PDE4D: variants seen among roughly 807,000 people sequenced by gnomAD.
PDE4D encodes the protein phosphodiesterase 4D, also known as 3',5'-cyclic-AMP phosphodiesterase 4D.
PDE4D carries 24 observed loss-of-function variants against 87.4 expected under a neutral mutation model. The ratio of observed to expected loss-of-function variants is 0.27; its 90% CI spans 0.20 to 0.39. PDE4D has a LOEUF of 0.39. PDE4D is among the 10% of genes least tolerant of loss of function. The probability of loss-of-function intolerance (pLI) is 1.00; values close to 1 mark genes in which losing one functional copy is unlikely to be tolerated. For synonymous variants in PDE4D, 384 were observed against 383.2 expected, an observed-to-expected ratio of 1.00 and a Z score of -0.02; for missense variants, 714 against 1,041.0, an observed-to-expected ratio of 0.69 and a Z score of 4.32.
At chr5:60,103,006 A>T (rs1418868547) in intron 2 of PDE4D, among the ~76,000 whole-genome samples, 1 of 152,048 alleles carries the variant, frequency 6.6e-6, no homozygotes, top group Non-Finnish European at 1.5e-5. Context: ...AACAGAAAAA[A>T]CACCCAGAAA....
chr5:59,588,649 T>A (rs891792652), intron 1 of PDE4D, among the ~76,000 whole-genome samples: 5 of 152,078 alleles, frequency 3.3e-5, no homozygotes, highest in African/African-American at 4.8e-5. Flanking sequence ...CCACCATAAT[T>A]TGGAGAATTT....
intron 1 of PDE4D, among the ~76,000 whole-genome samples, chr5:59,355,404 G>T (rs987857729): frequency 6.6e-6 from 1 of 152,106 alleles, no homozygotes; most frequent in African/African-American, 2.4e-5. Flanking sequence ...TAAGGAGCTT[G>T]TTATCAGATC....
intron 2 of PDE4D, among the ~76,000 whole-genome samples, chr5:60,127,340 TGTGTGGTGAGTGATAA>T (rs1779204875): frequency 6.6e-6 from 1 of 151,876 alleles, no homozygotes. Context: ...AAGGCAAGGG[TGTGTGGTGAGTGATAA>T]GGTTGGACTT....
At chr5:60,105,773 G>A (rs1582678072) in intron 2 of PDE4D, among the ~76,000 whole-genome samples, 1 of 152,292 alleles carries the variant, frequency 6.6e-6, no homozygotes, top group East Asian at 1.9e-4. Context: ...AGCTTCATAA[G>A]TGAAGGAGAA....
chr5:60,107,322 T>C (rs1777089716), intron 2 of PDE4D, among the ~76,000 whole-genome samples: 1 of 152,006 alleles, frequency 6.6e-6, no homozygotes, highest in African/African-American at 2.4e-5. Context: ...AAGTTGAATC[T>C]CTGAATAGAC....
At chr5:59,186,542 T>C (rs1468136111) in intron 3 of PDE4D, among the ~76,000 whole-genome samples, 2 of 152,316 alleles carry the variant, frequency 1.3e-5, no homozygotes, top group African/African-American at 2.4e-5. Context: ...TTTTCAGAAA[T>C]GTTTCATCTG....
intron 1 of PDE4D, among the ~76,000 whole-genome samples, chr5:59,649,255 C>G (rs1219373998): frequency 6.6e-6 from 1 of 152,186 alleles, no homozygotes; most frequent in Non-Finnish European, 1.5e-5. Context: ...AGCCAAATTA[C>G]TTTCTTCTCT....
chr5:59,383,055 C>T (rs191910099), intron 1 of PDE4D, among the ~76,000 whole-genome samples: 1 of 152,222 alleles, frequency 6.6e-6, no homozygotes, highest in Admixed American at 6.5e-5. Context: ...AGAAAAGTAA[C>T]AAGTTTTACA....
intron 1 of PDE4D, among the ~76,000 whole-genome samples, chr5:59,634,738 T>C (rs1832016203): frequency 6.6e-6 from 1 of 152,162 alleles, no homozygotes; most frequent in African/African-American, 2.4e-5. Flanking sequence ...GCTAAAGCAG[T>C]GTTTAGAGGG....
At chr5:59,791,100 A>T (rs563943812) in intron 1 of PDE4D, among the ~76,000 whole-genome samples, 2 of 152,294 alleles carry the variant, frequency 1.3e-5, no homozygotes, top group Non-Finnish European at 2.9e-5. Flanking sequence ...ATCACAGAAA[A>T]ATCTGCCATG....
chr5:59,913,863 GT>G (rs920401940), intron 3 of PDE4D, among the ~76,000 whole-genome samples: 3 of 151,882 alleles, frequency 2.0e-5, no homozygotes, highest in African/African-American at 7.3e-5. Context: ...TAAAATCAGG[GT>G]TTTTTTGGCA....
chr5:59,907,553 C>A (rs768333415), intron 3 of PDE4D, among the ~76,000 whole-genome samples: 1 of 152,000 alleles, frequency 6.6e-6, no homozygotes, highest in Non-Finnish European at 1.5e-5. Flanking sequence ...ACTAGCTTAC[C>A]TATATAACAA....
intron 1 of PDE4D, 114 bp downstream of exon 1, chr5:59,893,054 T>C (rs1409443627): frequency 1.8e-6 from 2 of 1,088,610 alleles, no homozygotes; most frequent in African/African-American, 1.6e-5. Context: ...ATTTCCAGAC[T>C]AGCATTTTAC....
chr5:60,208,547 T>G (rs1260169354), intron 1 of PDE4D, among the ~76,000 whole-genome samples: 1 of 152,030 alleles, frequency 6.6e-6, no homozygotes, highest in Non-Finnish European at 1.5e-5. Context: ...GGCTCCCCCT[T>G]AGAGGTGTCA....
At chr5:59,265,229 C>A (rs1340516399) in intron 1 of PDE4D, among the ~76,000 whole-genome samples, 1 of 151,906 alleles carries the variant, frequency 6.6e-6, no homozygotes, top group South Asian at 2.1e-4. Flanking sequence ...TCAGATGAAA[C>A]CCCTGCCTAG....
chr5:59,526,800 A>G (rs757264113), intron 1 of PDE4D, among the ~76,000 whole-genome samples: 2 of 151,562 alleles, frequency 1.3e-5, no homozygotes, highest in Non-Finnish European at 2.9e-5. Context: ...TTTTTTTTGT[A>G]TTTTTTGTAC....
chr5:58,997,377 A>T (rs1749467685), intron 6 of PDE4D, among the ~76,000 whole-genome samples: 1 of 152,114 alleles, frequency 6.6e-6, no homozygotes, highest in African/African-American at 2.4e-5. Flanking sequence ...CTCATCTAAA[A>T]ATAATTATAT....
At chr5:60,361,325 T>A (rs1760045316) in intron 1 of PDE4D, among the ~76,000 whole-genome samples, 1 of 152,202 alleles carries the variant, frequency 6.6e-6, no homozygotes, top group Non-Finnish European at 1.5e-5. Context: ...AATAATTGAT[T>A]AGTAAATCAA....
At chr5:59,280,762 G>T (rs1765654772) in intron 1 of PDE4D, among the ~76,000 whole-genome samples, 1 of 152,080 alleles carries the variant, frequency 6.6e-6, no homozygotes, top group African/African-American at 2.4e-5. Context: ...AAGTGCATGG[G>T]TGAGGCTTGT....
Sources: allele counts gnomAD v4.1 joint callset (sites outside exome capture counted in the v4.1 genomes callset), GRCh38; gene constraint gnomAD v4.1.1; transcripts MANE v1.5; gene names NCBI Gene and HGNC (gene_info 2026-07-23, HGNC 2026-07-21).